Variants in RGS21 observed in about 807,000 individuals in gnomAD.
RGS21 encodes regulator of G-protein signalling 21.
RGS21 carries 19 observed loss-of-function variants against 18.7 expected under a neutral mutation model. That is an observed-to-expected ratio of 1.01 (90% confidence interval 0.71 to 1.49). RGS21 has a LOEUF of 1.49. Among genes scored for constraint, RGS21 ranks in the 40% most tolerant of loss-of-function variants. The pLI is 0.00. For synonymous variants in RGS21, 56 were observed against 57.8 expected (o/e 0.97, Z 0.14); for missense variants, 194 against 176.8 (o/e 1.10, Z -0.55).
At chr1:192,344,394 G>T (rs1287988687) in intron 2 of RGS21, among the ~76,000 whole-genome samples, 2 of 152,036 alleles carry the variant, frequency 1.3e-5, no homozygotes, top group African/African-American at 4.8e-5. Flanking sequence ...ACTGTCTGTG[G>T]AATATTGCAC....
intron 4 of RGS21, among the ~76,000 whole-genome samples, chr1:192,363,922 A>C (rs947532100): frequency 6.6e-6 from 1 of 152,048 alleles, no homozygotes; most frequent in Non-Finnish European, 1.5e-5. Context: ...TAAAACATTT[A>C]TTTAGTTGTT....
intron 1 of RGS21, among the ~76,000 whole-genome samples, chr1:192,321,802 GTTTTTA>G (rs1277504458): frequency 6.6e-6 from 1 of 151,898 alleles, no homozygotes; most frequent in Non-Finnish European, 1.5e-5. Context: ...ATTTGAGTCT[GTTTTTA>G]TTTTTAATAC....
chr1:192,354,666 G>GT (rs1364136415), intron 4 of RGS21, among the ~76,000 whole-genome samples: 1 of 151,562 alleles, frequency 6.6e-6, no homozygotes. Context: ...GATATTCTCA[G>GT]TTTTTCTATA....
At position 192,366,733 on chromosome 1, in the gene RGS21, TG is replaced by T. The variant is rs1362139776; in HGVS notation, c.*611del. ...AAATATATCACTTGGCTCAATTCAA[TG>T]GCATCACATATAAAATGTGATGAGT... On this transcript the variant is annotated 3_prime_UTR_variant, in exon 5 of 5. Coordinates refer to ENST00000417209, the MANE Select transcript of RGS21 (RefSeq NM_001039152.3). 3 of 152,012 alleles carry T rather than the reference TG, an allele frequency of 2.0e-5. 1 individual carries two copies. The highest frequency in any genetic ancestry group is 7.2e-5 in the African/African-American group (3 of 41,418). 9.4% of individuals were successfully genotyped at this position (152,012 alleles called of 1,614,324 possible). A position where few individuals can be genotyped will look rare whatever the true frequency, so the allele number is the denominator to read the frequency against.
intron 1 of RGS21, among the ~76,000 whole-genome samples, chr1:192,331,864 A>G (rs991493676): frequency 3.3e-5 from 5 of 152,046 alleles, no homozygotes; most frequent in Admixed American, 3.3e-4. Context: ...ACCATTTAAA[A>G]GTAATATTAA....
intron 1 of RGS21, among the ~76,000 whole-genome samples, chr1:192,320,928 C>T (rs1166083470): frequency 3.3e-5 from 5 of 151,966 alleles, no homozygotes; most frequent in African/African-American, 9.7e-5. Flanking sequence ...AAAACTTTGA[C>T]TCCCCATATC....
In RGS21 at chr1:192,366,109, G is replaced by A; in HGVS notation, c.444G>A (p.Trp148Ter). 6.2e-7 allele frequency: 1 copy of A among 1,600,150 alleles called. No homozygotes were observed. The highest frequency in any genetic ancestry group is 1.7e-5 in the Admixed American group (1 of 59,036). ...NSQQVPNHKK[W>*]LPFL ...AACAGGTTCCAAATCATAAAAAATGGCTCCCTTTTTTGTGAGGAAGGTAAA... is the reference window on the plus strand; with the variant it reads ...AACAGGTTCCAAATCATAAAAAATGACTCCCTTTTTTGTGAGGAAGGTAAA... The change falls in exon 5 of 5, where the codon TGG (tryptophan) becomes TGA (stop). Residue 148 changes from tryptophan to a stop codon, truncating the protein, a stop_gained. Coordinates refer to ENST00000417209, the MANE Select transcript of RGS21 (RefSeq NM_001039152.3). LOFTEE classifies it high-confidence loss of function.
chr1:192,354,041 T>C (rs1442978431), intron 4 of RGS21, among the ~76,000 whole-genome samples: 1 of 151,718 alleles, frequency 6.6e-6, no homozygotes, highest in Non-Finnish European at 1.5e-5. Flanking sequence ...CTATTCAAAT[T>C]ACTAAAGGAA....
At chr1:192,331,959 G>A (rs1658664108) in intron 1 of RGS21, among the ~76,000 whole-genome samples, 1 of 151,872 alleles carries the variant, frequency 6.6e-6, no homozygotes, top group Admixed American at 6.6e-5. Flanking sequence ...TAATTTTGGG[G>A]AAATTATTTG....
chr1:192,330,711 T>C (rs1049941002), intron 1 of RGS21, among the ~76,000 whole-genome samples: 1 of 152,200 alleles, frequency 6.6e-6, no homozygotes, highest in African/African-American at 2.4e-5. Context: ...GGAATGTTGC[T>C]GGAGTTGGAG....
intron 1 of RGS21, among the ~76,000 whole-genome samples, chr1:192,333,942 G>T (rs1027368507): frequency 6.6e-6 from 1 of 152,074 alleles, no homozygotes; most frequent in African/African-American, 2.4e-5. Flanking sequence ...ATATCTGCCT[G>T]TGAATATATA....
chr1:192,365,851 A>T, intron 4 of RGS21, 70 bp from the exon 5 acceptor site: 7 of 801,628 alleles, frequency 8.7e-6, no homozygotes, highest in South Asian at 1.7e-5. Flanking sequence ...AATTTTAAAT[A>T]ATATATATGT....
Position 192,348,022 on chromosome 1 carries a change from AT to A in RGS21, c.88+647del, listed in dbSNP as rs796305729. Among the ~76,000 whole-genome samples, 978 of 140,976 alleles carry A rather than the reference AT, an allele frequency of 6.9e-3. 3 individuals carry two copies. The highest frequency in any genetic ancestry group is 0.011 in the Middle Eastern group (3 of 264). 92.5% of individuals were successfully genotyped at this position (140,976 alleles called of 152,430 possible). ...CACATACACATACATATATATATGT[AT>A]TTTTTTTTTTTTTGAGACGGAGTCT... On this transcript the variant is annotated intron_variant, in intron 3 of 4. Coordinates refer to ENST00000417209, the MANE Select transcript of RGS21 (RefSeq NM_001039152.3).
Position 192,366,662 on chromosome 1 carries a change from A to G in RGS21, c.*538A>G, listed in dbSNP as rs7528947. ...TTTTTTAAATCACAGGAATGTATAC[A>G]CATTTATATGTATGTCTTGAATGCA... On this transcript the variant is annotated 3_prime_UTR_variant, in exon 5 of 5. Transcript: ENST00000417209. 0.51 allele frequency: 77,451 copies of G among 152,028 alleles called. 20,641 individuals carry two copies. The highest frequency in any genetic ancestry group is 0.62 in the African/African-American group (25,611 of 41,404). The allele number at this position is 152,028 out of a possible 1,614,324, so 9.4% of individuals were successfully genotyped here.
chr1:192,346,072 A>G lies in RGS21; in HGVS notation c.12-1241A>G, dbSNP rs150442321. Reference sequence around the variant, plus strand: ...TCCCCAAGATTTAGTAAGTCAAGGAAGAAAGGAAAGTCAGCTGCCTACAAC... The same window carrying G: ...TCCCCAAGATTTAGTAAGTCAAGGAGGAAAGGAAAGTCAGCTGCCTACAAC... On this transcript the variant is annotated intron_variant, in intron 2 of 4. Transcript: ENST00000417209. Among the ~76,000 whole-genome samples the G allele has an allele frequency of 3.6e-4, 55 of 152,172 alleles. 1 individual carries two copies. The East Asian group carries it at 0.01, about 29-fold the overall frequency.
At position 192,359,653 on chromosome 1, in the gene RGS21, G is replaced by GTATATATATATATATATATATATA. The variant is rs1202366412; in HGVS notation, c.256-6267_256-6266insATATATATATATATATATATATAT. On this transcript the variant is annotated intron_variant, in intron 4 of 4. Coordinates refer to ENST00000417209, the MANE Select transcript of RGS21 (RefSeq NM_001039152.3). ...TATATATATGTTTATATGTGTGTGT[G>GTATATATATATATATATATATATA]TGTATATATATATATATATATATAT... is the stretch of plus-strand genomic sequence containing the variant. 2.2e-3 allele frequency among the ~76,000 whole-genome samples: 233 copies of GTATATATATATATATATATATATA among 104,292 alleles called. 1 individual carries two copies. Among genetic ancestry groups the GTATATATATATATATATATATATA allele is most frequent in the South Asian group, 4.7e-3 (15 of 3,176 alleles). 68.4% of individuals were successfully genotyped at this position (104,292 alleles called of 152,430 possible).
chr1:192,319,373 G>A (rs1250980977), intron 1 of RGS21, among the ~76,000 whole-genome samples: 2 of 151,976 alleles, frequency 1.3e-5, no homozygotes, highest in East Asian at 1.9e-4. Context: ...ATATGTATGT[G>A]TGTACATATA....
chr1:192,352,244 T>G, intron 4 of RGS21, 31 bp downstream of exon 4: 1 of 1,527,768 alleles, frequency 6.5e-7, no homozygotes, highest in South Asian at 1.2e-5. Context: ...CAGTGAAGAG[T>G]CATCCTGTAG....
chr1:192,360,074 A>G (rs1267629467), intron 4 of RGS21, among the ~76,000 whole-genome samples: 1 of 151,930 alleles, frequency 6.6e-6, no homozygotes, highest in Admixed American at 6.6e-5. Context: ...TTATAATGAG[A>G]AGAGACACTC....
Sources: gnomAD v4.1 joint callset for allele counts (sites outside exome capture counted in the v4.1 genomes callset) on GRCh38, gnomAD v4.1.1 for gene constraint, MANE v1.5 for transcripts, NCBI Gene and HGNC (gene_info 2026-07-23, HGNC 2026-07-21) for gene names.